PBRM1: variants seen among roughly 807,000 people sequenced by gnomAD.
PBRM1 encodes the protein polybromo 1, also known as protein polybromo-1.
Under a neutral mutation model 194.5 loss-of-function variants are expected in PBRM1, and 27 were observed. The ratio of observed to expected loss-of-function variants is 0.14; its 90% CI spans 0.10 to 0.19. PBRM1 has a LOEUF of 0.19. Ranked by LOEUF, PBRM1 falls within the 10% of genes least tolerant of loss-of-function variation. The pLI, the probability that PBRM1 is intolerant of heterozygous loss-of-function variation, is 1.00. For missense variants in PBRM1, 1,466 were observed against 2,077.2 expected (o/e 0.71, Z 5.72); for synonymous variants, 655 against 693.2 (o/e 0.94, Z 0.87).
chr3:52,648,309 A>C, intron 7 of PBRM1, 35 bp downstream of exon 8: 3 of 1,217,108 alleles, frequency 2.5e-6, no homozygotes, highest in Non-Finnish European at 3.6e-6. Context: ...ACTATTACCA[A>C]GGAAAACAAC....
At chr3:52,592,435 TTTAG>T (rs1234969694) in intron 17 of PBRM1, among the ~76,000 whole-genome samples, 1 of 152,176 alleles carries the variant, frequency 6.6e-6, no homozygotes, top group Non-Finnish European at 1.5e-5. Flanking sequence ...CCTGGCTGTC[TTTAG>T]TTCTTTTTTA....
chr3:52,642,029 G>T, exon 10 of PBRM1: 5 of 1,556,042 alleles, frequency 3.2e-6, no homozygotes, highest in Non-Finnish European at 3.5e-6. Context: ...CGACCTCCTT[G>T]TACTGCTCTT....
exon 18 of PBRM1, chr3:52,589,201 C>T (rs558843390): frequency 5.7e-6 from 9 of 1,587,952 alleles, no homozygotes; most frequent in East Asian, 2.3e-5. Flanking sequence ...GCTGTATGTG[C>T]GATGTAAGCC....
At chr3:52,576,442 T>C in intron 22 of PBRM1, 99 bp downstream of exon 24, 3 of 785,656 alleles carry the variant, frequency 3.8e-6, no homozygotes. Flanking sequence ...ATTTGGGCAC[T>C]GCTCTATACC....
At chr3:52,626,441 TA>T (rs2095449219) in intron 13 of PBRM1, among the ~76,000 whole-genome samples, 1 of 152,252 alleles carries the variant, frequency 6.6e-6, no homozygotes, top group Admixed American at 6.5e-5. Flanking sequence ...CAACAGTTAC[TA>T]AAGACTTCAT....
Position 52,609,885 on chromosome 3 carries a change from G to C in PBRM1, c.1995C>G (p.Val665=), listed in dbSNP as rs756642342. The C allele has an allele frequency of 6.3e-6, 10 of 1,576,764 alleles. No individual in the cohort carries two copies. In the Admixed American group the frequency reaches 2.0e-4, roughly 31 times the overall value. ...CAGTATAGTTCTTTACAGCTTCATA[G>C]ACCTCATTTAGTTTCTGCTGCATTG... Residue 665 remains valine, a synonymous_variant, in exon 16 of 30, where the codon GTC becomes GTG. Transcript: ENST00000296302. This position sits in a 1 kb window ranked among gnomAD's most constrained non-coding sequence, Gnocchi z 4.1.
At chr3:52,606,349 T>C (rs145154574) in intron 16 of PBRM1, among the ~76,000 whole-genome samples, 3 of 152,310 alleles carry the variant, frequency 2.0e-5, no homozygotes, top group Non-Finnish European at 2.9e-5. Context: ...AATGAAGATA[T>C]TTGAATTCTG....
chr3:52,619,967 G>A (rs1560438819), intron 13 of PBRM1, among the ~76,000 whole-genome samples: 1 of 152,176 alleles, frequency 6.6e-6, no homozygotes, highest in Non-Finnish European at 1.5e-5. Flanking sequence ...GCTCATTGTG[G>A]ACCTCAGACA....
intron 2 of PBRM1, among the ~76,000 whole-genome samples, chr3:52,674,325 T>C (rs1186914050): frequency 7.0e-6 from 1 of 143,608 alleles, no homozygotes; most frequent in East Asian, 2.1e-4. Flanking sequence ...CTACTAAAAA[T>C]ACAAAATTAG....
exon 3 of PBRM1, chr3:52,668,591 G>T (rs1560996228): frequency 1.2e-6 from 2 of 1,604,506 alleles, no homozygotes; most frequent in Non-Finnish European, 1.7e-6. Flanking sequence ...GTTTCTGTTG[G>T]ATTTTCATCA....
chr3:52,617,295 C>G (rs200139254), exon 14 of PBRM1: 5 of 1,613,944 alleles, frequency 3.1e-6, no homozygotes, highest in Non-Finnish European at 3.4e-6. Flanking sequence ...GCCTGGCATT[C>G]CGGAACATCA....
chr3:52,585,946 G>T (rs12637627), intron 20 of PBRM1: 68,474 of 150,916 alleles, frequency 0.45, 15,759 homozygotes, highest in African/African-American at 0.52. Context: ...AAAATTTTTT[G>T]TTTTTTTGAG....
At chr3:52,580,524 A>G (rs1351510118) in intron 20 of PBRM1, among the ~76,000 whole-genome samples, 1 of 151,758 alleles carries the variant, frequency 6.6e-6, no homozygotes, top group Non-Finnish European at 1.5e-5. Flanking sequence ...ATGCCCAGCT[A>G]ATTTTTTTTT....
chr3:52,668,564 A>G, exon 3 of PBRM1: 5 of 1,607,198 alleles, frequency 3.1e-6, no homozygotes, highest in Non-Finnish European at 4.3e-6. Flanking sequence ...TAACATCATC[A>G]TACTCTTCCA....
intron 13 of PBRM1, among the ~76,000 whole-genome samples, chr3:52,618,104 T>C (rs1337757874): frequency 1.3e-5 from 2 of 152,238 alleles, no homozygotes; most frequent in African/African-American, 2.4e-5. Context: ...GCATTGATTC[T>C]GTCAGGGTCG....
At chr3:52,605,322 A>T (rs1173662724) in intron 16 of PBRM1, among the ~76,000 whole-genome samples, 1 of 151,990 alleles carries the variant, frequency 6.6e-6, no homozygotes, top group African/African-American at 2.4e-5. Flanking sequence ...TGCTTAAATT[A>T]CAGATGTGAG....
intron 6 of PBRM1, among the ~76,000 whole-genome samples, chr3:52,650,883 C>T (rs931653313): frequency 3.9e-5 from 6 of 152,092 alleles, no homozygotes; most frequent in Admixed American, 1.3e-4. Context: ...TATACTTTCC[C>T]TTACTTCTAA....
At chr3:52,665,685 A>T (rs1465563139) in intron 3 of PBRM1, among the ~76,000 whole-genome samples, 1 of 152,170 alleles carries the variant, frequency 6.6e-6, no homozygotes, top group Non-Finnish European at 1.5e-5. Context: ...TGAGCTCCTT[A>T]TAAGAATCTA....
chr3:52,622,833 T>C (rs935694100), intron 13 of PBRM1, among the ~76,000 whole-genome samples: 1 of 152,206 alleles, frequency 6.6e-6, no homozygotes, highest in Non-Finnish European at 1.5e-5. Flanking sequence ...ATATTCTTCC[T>C]CTAAAGCTAC....
Sources: gnomAD v4.1 joint callset for allele counts (sites outside exome capture counted in the v4.1 genomes callset) on GRCh38, gnomAD v4.1.1 for gene constraint, Gnocchi (gnomAD v3.1) non-coding constraint, MANE v1.5 for transcripts, NCBI Gene and HGNC (gene_info 2026-07-23, HGNC 2026-07-21) for gene names.